Variants in NTNG1 observed in about 807,000 individuals in gnomAD.
NTNG1 encodes netrin-G1.
A neutral mutation model predicts 54.0 loss-of-function variants in NTNG1; 16 were observed. That is an observed-to-expected ratio of 0.30 (90% CI 0.20 to 0.45). NTNG1 has a LOEUF of 0.45. Among genes scored for constraint, NTNG1 ranks in the 20% least tolerant of loss-of-function variants. The pLI, the probability that NTNG1 is intolerant of heterozygous loss-of-function variation, is 1.00. For missense variants in NTNG1, 530 were observed against 678.7 expected (o/e 0.78, Z 2.43); for synonymous variants, 255 against 263.1 (o/e 0.97, Z 0.30).
Position 107,372,093 on chromosome 1 carries a change from T to A in NTNG1, c.888-23061T>A, listed in dbSNP as rs1282684099. On this transcript the variant is annotated intron_variant, in intron 3 of 7. Coordinates refer to ENST00000370068, the MANE Select transcript of NTNG1 (RefSeq NM_001113226.3). ...TTTCTCAGATCAGTTTAGCTAGAGA[T>A]TCAACTTAATTTATCTTCTCTAAAA... Among the ~76,000 whole-genome samples the A allele has an allele frequency of 2.0e-5, 3 of 152,062 alleles. No homozygotes were observed. The East Asian group carries it at 5.8e-4, about 29-fold the overall frequency.
chr1:107,226,245 T>G (rs775424925), intron 2 of NTNG1, among the ~76,000 whole-genome samples: 33 of 152,004 alleles, frequency 2.2e-4, no homozygotes, highest in Non-Finnish European at 4.6e-4. Context: ...CTCTTGTGAG[T>G]CTTAGTTTGA....
intron 3 of NTNG1, among the ~76,000 whole-genome samples, chr1:107,361,169 AAT>A (rs1182342607): frequency 4.1e-5 from 6 of 144,654 alleles, no homozygotes; most frequent in Non-Finnish European, 9.1e-5. Context: ...TATAAAATAT[AAT>A]ATATATTATA....
chr1:107,317,883 T>A (rs12044581), intron 2 of NTNG1, among the ~76,000 whole-genome samples: 35,260 of 152,048 alleles, frequency 0.23, 4,242 homozygotes, highest in South Asian at 0.36. Context: ...AACGGAGCAG[T>A]TAGTTTTTAA....
rs1444847764 is a variant in NTNG1 at position 107,148,237 on chromosome 1, G to A, written c.-357G>A. The A allele has an allele frequency of 2.6e-5, 5 of 190,994 alleles. No homozygotes were observed. Among genetic ancestry groups the A allele is most frequent in the South Asian group, 2.1e-4 (2 of 9,362 alleles). The allele number at this position is 190,994 out of a possible 1,614,324, so 11.8% of individuals were successfully genotyped here. Reference sequence around the variant, plus strand: ...TCGGATGTACAACGGGAGAGCCATCGCTTTGCTAAATTATTATCTGCAATT... The same window carrying A: ...TCGGATGTACAACGGGAGAGCCATCACTTTGCTAAATTATTATCTGCAATT... On this transcript the variant is annotated 5_prime_UTR_variant, in exon 2 of 8. Transcript: ENST00000370068.
chr1:107,163,028 G>A (rs1419265564), intron 2 of NTNG1, among the ~76,000 whole-genome samples: 1 of 152,142 alleles, frequency 6.6e-6, no homozygotes, highest in South Asian at 2.1e-4. Context: ...TGACAAGGGA[G>A]GTAGATCAGT....
At chr1:107,315,197 G>C (rs1004132606) in intron 2 of NTNG1, among the ~76,000 whole-genome samples, 2 of 151,928 alleles carry the variant, frequency 1.3e-5, no homozygotes, top group African/African-American at 2.4e-5. Flanking sequence ...GGTATATAAA[G>C]CTCCATTGAT....
chr1:107,230,345 C>T (rs1191872073), intron 2 of NTNG1, among the ~76,000 whole-genome samples: 3 of 152,080 alleles, frequency 2.0e-5, no homozygotes, highest in Non-Finnish European at 4.4e-5. Context: ...TCCAGTCAGT[C>T]CATTGATGGG....
At chr1:107,376,142 T>C (rs531674045) in intron 3 of NTNG1, among the ~76,000 whole-genome samples, 10 of 152,326 alleles carry the variant, frequency 6.6e-5, no homozygotes, top group Non-Finnish European at 1.0e-4. Context: ...TATTGTAGGC[T>C]GGGCGCGGTG....
intron 4 of NTNG1, among the ~76,000 whole-genome samples, chr1:107,398,334 A>G (rs528476169): frequency 6.6e-6 from 1 of 152,310 alleles, no homozygotes; most frequent in East Asian, 1.9e-4. Context: ...CACAAGTTTT[A>G]ACAGAACAAC....
chr1:107,306,666 G>T (rs532564349), intron 2 of NTNG1, among the ~76,000 whole-genome samples: 1 of 151,818 alleles, frequency 6.6e-6, no homozygotes, highest in African/African-American at 2.4e-5. Context: ...CCGGAGAATC[G>T]CTTGAACCTG....
intron 2 of NTNG1, among the ~76,000 whole-genome samples, chr1:107,204,277 G>A (rs1026793383): frequency 7.2e-5 from 11 of 152,070 alleles, no homozygotes; most frequent in African/African-American, 2.2e-4. Context: ...GTTGAGTCAC[G>A]ACTGTGAATC....
intron 2 of NTNG1, among the ~76,000 whole-genome samples, chr1:107,156,972 G>A (rs983297188): frequency 1.3e-5 from 2 of 151,994 alleles, no homozygotes; most frequent in Admixed American, 6.6e-5. Flanking sequence ...GCTTTAAATC[G>A]ATCCACAGTG....
chr1:107,472,976 A>C (rs1678079362), intron 7 of NTNG1, among the ~76,000 whole-genome samples: 1 of 152,178 alleles, frequency 6.6e-6, no homozygotes, highest in Admixed American at 6.5e-5. Context: ...GAATGCCTAA[A>C]TCAGACCTGA....
chr1:107,205,840 A>G lies in NTNG1; in HGVS notation c.246+57001A>G, dbSNP rs186319663. On this transcript the variant is annotated intron_variant, in intron 2 of 7. Transcript: ENST00000370068. The stretch of plus-strand genomic sequence containing the variant: ...TTGCCCCCACTCCCAAAAGACAACT[A>G]CTATTTTGACTTCTTATAGCATATG... Among the ~76,000 whole-genome samples the G allele has an allele frequency of 2.6e-5, 4 of 152,140 alleles. No individual in the cohort carries two copies. In the East Asian group the frequency reaches 7.8e-4, roughly 30 times the overall value.
intron 2 of NTNG1, among the ~76,000 whole-genome samples, chr1:107,236,358 A>G (rs532853801): frequency 6.6e-6 from 1 of 152,310 alleles, no homozygotes; most frequent in Non-Finnish European, 1.5e-5. Context: ...GGAAGAGGTT[A>G]TAAGTCAGAA....
At chr1:107,442,987 C>A (rs926788721) in intron 7 of NTNG1, among the ~76,000 whole-genome samples, 1 of 152,140 alleles carries the variant, frequency 6.6e-6, no homozygotes, top group Non-Finnish European at 1.5e-5. Context: ...TGAGTAATGA[C>A]AACTTCCCCA....
At chr1:107,335,896 A>G (rs566757176) in intron 3 of NTNG1, among the ~76,000 whole-genome samples, 35 of 152,038 alleles carry the variant, frequency 2.3e-4, no homozygotes, top group African/African-American at 8.4e-4. Context: ...AGCCTTGTAC[A>G]CTAAAAACTG....
chr1:107,430,126 A>G (rs1675165001), intron 5 of NTNG1, among the ~76,000 whole-genome samples: 1 of 152,296 alleles, frequency 6.6e-6, no homozygotes, highest in African/African-American at 2.4e-5. Flanking sequence ...TCTCACACAT[A>G]TACATACAGA....
rs17019027 is a variant in NTNG1, at chr1:107,430,504, T to C, written c.1088-246T>C. ...TACACCTGCAAATGCTTCTGTTCAT[T>C]TTGTCTGCCAAGAATTAACAATCTT... is the stretch of plus-strand genomic sequence containing the variant. On this transcript the variant is annotated intron_variant, in intron 5 of 7. Coordinates refer to ENST00000370068, the MANE Select transcript of NTNG1 (RefSeq NM_001113226.3). 7.7e-3 allele frequency among the ~76,000 whole-genome samples: 1,169 copies of C among 152,310 alleles called. 18 individuals are homozygous for C. The highest frequency in any genetic ancestry group is 0.027 in the African/African-American group (1,127 of 41,576).
Sources: gnomAD v4.1 joint callset for allele counts (sites outside exome capture counted in the v4.1 genomes callset) on GRCh38, gnomAD v4.1.1 for gene constraint, MANE v1.5 for transcripts, NCBI Gene and HGNC (gene_info 2026-07-23, HGNC 2026-07-21) for gene names.